The following EGFR variants were observed in gnomAD, a reference collection of about 807,000 sequenced individuals.
The protein encoded by EGFR is avian erythroblastic leukemia viral (v-erb-b) oncogene homolog.
A neutral mutation model predicts 143.0 loss-of-function variants in EGFR; 58 were observed. The ratio of observed to expected loss-of-function variants is 0.41; its 90% CI spans 0.33 to 0.50. The LOEUF (loss-of-function observed/expected upper bound fraction) is 0.50, where lower values mean the gene tolerates loss of function less well. Among genes scored for constraint, EGFR ranks in the 20% least tolerant of loss-of-function variants. EGFR has a pLI of 0.39. For missense variants in EGFR, 1,307 were observed against 1,579.0 expected, an observed-to-expected ratio of 0.83 and a Z score of 2.92; for synonymous variants, 613 against 594.4, an observed-to-expected ratio of 1.03 and a Z score of -0.45.
At chr7:55,174,622 T>G (rs1429885015) in intron 18 of EGFR, 100 bp from the exon 19 acceptor site, 1 of 1,042,452 alleles carries the variant, frequency 9.6e-7, no homozygotes, top group Non-Finnish European at 1.5e-6. Flanking sequence ...GTCCCTCACC[T>G]TCGGGGTGCA....
chr7:55,147,859 C>T (rs970345053), intron 4 of EGFR, among the ~76,000 whole-genome samples: 11 of 152,224 alleles, frequency 7.2e-5, no homozygotes, highest in Admixed American at 2.6e-4. Flanking sequence ...CTGGGGCTCT[C>T]ATACAGGTGG....
intron 1 of EGFR, among the ~76,000 whole-genome samples, chr7:55,133,709 A>G (rs1057059135): frequency 1.3e-4 from 20 of 152,084 alleles, no homozygotes; most frequent in Non-Finnish European, 2.6e-4. Flanking sequence ...AGGAAGGGAG[A>G]GGCCAGCTCT....
At chr7:55,077,656 C>G (rs974566330) in intron 1 of EGFR, among the ~76,000 whole-genome samples, 6 of 152,110 alleles carry the variant, frequency 3.9e-5, no homozygotes, top group Non-Finnish European at 7.4e-5. Flanking sequence ...GCTGCTTGCA[C>G]CGAAAGACCA....
intron 22 of EGFR, among the ~76,000 whole-genome samples, chr7:55,198,338 T>C (rs1329477380): frequency 6.6e-6 from 1 of 152,180 alleles, no homozygotes; most frequent in South Asian, 2.1e-4. Flanking sequence ...CAGATACAGG[T>C]CCCTCAGAGC....
chr7:55,027,153 C>T lies in EGFR; in HGVS notation c.88+7788C>T, dbSNP rs117074754. On this transcript the variant is annotated intron_variant, in intron 1 of 27. Transcript: ENST00000275493. ...ATAACTGCACTTGTCCTCTGAGGACCGACTTACCTTTTGGAAGGGCTGAGA... is the reference window on the plus strand; with the variant it reads ...ATAACTGCACTTGTCCTCTGAGGACTGACTTACCTTTTGGAAGGGCTGAGA... 5.8e-4 allele frequency among the ~76,000 whole-genome samples: 88 copies of T among 152,222 alleles called. 1 individual carries two copies. The East Asian group carries it at 0.016, about 28-fold the overall frequency.
chr7:55,141,854 AC>A (rs1187296839), intron 1 of EGFR, among the ~76,000 whole-genome samples: 1 of 152,176 alleles, frequency 6.6e-6, no homozygotes, highest in East Asian at 1.9e-4. Flanking sequence ...TTCGTGAAAT[AC>A]CTTGTGAAAT....
chr7:55,177,971 G>C (rs1461184109), intron 19 of EGFR, among the ~76,000 whole-genome samples: 2 of 152,230 alleles, frequency 1.3e-5, no homozygotes, highest in African/African-American at 4.8e-5. Flanking sequence ...GCTGGGTGGG[G>C]AGGAAGTGAT....
chr7:55,113,678 A>T (rs920490383), intron 1 of EGFR, among the ~76,000 whole-genome samples: 1 of 152,242 alleles, frequency 6.6e-6, no homozygotes. Context: ...GTTTTTGTTC[A>T]ACACTCTTGC....
chr7:55,173,872 A>G (rs1584224165), intron 17 of EGFR, 49 bp from the exon 18 acceptor site: 2 of 1,614,030 alleles, frequency 1.2e-6, no homozygotes, highest in African/African-American at 1.3e-5. Context: ...GCTTTCCAGC[A>G]TGGTGAGGGC....
intron 3 of EGFR, among the ~76,000 whole-genome samples, chr7:55,144,119 G>T (rs1254362329): frequency 2.0e-5 from 3 of 152,134 alleles, no homozygotes; most frequent in Admixed American, 2.0e-4. Context: ...TGTTAAATTG[G>T]TAACTTCATT....
At chr7:55,023,606 G>A (rs7801281) in intron 1 of EGFR, among the ~76,000 whole-genome samples, 22,877 of 137,062 alleles carry the variant, frequency 0.17, 1,918 homozygotes, top group Admixed American at 0.22. Flanking sequence ...AGCCAAGATC[G>A]CACCATTGCA....
Position 55,154,095 on chromosome 7 carries a change from G to C in EGFR, c.832G>C (p.Asp278His), listed in dbSNP as rs2128935042. Residue 278 changes from aspartate (D) to histidine (H), a missense_variant, in exon 7 of 28, where the codon GAT becomes CAT. Around this residue, in one of 7 missense-constraint regions of EGFR, gnomAD observed 311 missense variants for 412.3 expected, o/e 0.75. Transcript: ENST00000275493. Reference sequence around the variant, plus strand: ...CTACAACCCCACCACGTACCAGATGGATGTGAACCCCGAGGGCAAATACAG... The same window carrying C: ...CTACAACCCCACCACGTACCAGATGCATGTGAACCCCGAGGGCAAATACAG... ...MLYNPTTYQM[D>H]VNPEGKYSFG... The C allele has an allele frequency of 6.2e-7, 1 of 1,614,198 alleles. No individual in the cohort carries two copies. The highest frequency in any genetic ancestry group is 1.1e-5 in the South Asian group (1 of 91,084).
Position 55,174,709 on chromosome 7 carries a change from C to G in EGFR, c.2185-13C>G, listed in dbSNP as rs377247228. ...AATTGCCAGTTAACGTCTTCCTTCT[C>G]TCTCTGTCATAGGGACTCTGGATCC... On this transcript the variant is annotated splice_polypyrimidine_tract_variant and intron_variant, in intron 18 of 27. Transcript: ENST00000275493. 1 of 1,608,206 alleles carries G rather than the reference C, an allele frequency of 6.2e-7. No homozygotes were observed. Among genetic ancestry groups the G allele is most frequent in the South Asian group, 1.1e-5 (1 of 90,936 alleles).
At chr7:55,060,338 C>G (rs537309257) in intron 1 of EGFR, among the ~76,000 whole-genome samples, 1 of 152,286 alleles carries the variant, frequency 6.6e-6, no homozygotes, top group Non-Finnish European at 1.5e-5. Context: ...TACATAATTA[C>G]GTTTCCCTTC....
chr7:55,149,214 T>C (rs527388762), intron 4 of EGFR, among the ~76,000 whole-genome samples: 2 of 152,272 alleles, frequency 1.3e-5, no homozygotes, highest in African/African-American at 4.8e-5. Context: ...TATTGTGCAA[T>C]GTCTGATTGC....
intron 1 of EGFR, among the ~76,000 whole-genome samples, chr7:55,081,911 T>G (rs117071240): frequency 6.0e-4 from 91 of 152,338 alleles, no homozygotes; most frequent in Non-Finnish European, 1.2e-3. Context: ...AAATACATTT[T>G]AATATCATGG....
At chr7:55,096,494 G>T (rs899305027) in intron 1 of EGFR, among the ~76,000 whole-genome samples, 6 of 152,294 alleles carry the variant, frequency 3.9e-5, no homozygotes, top group Admixed American at 1.3e-4. Context: ...AGGCGATGGG[G>T]ATACGATGCC....
intron 1 of EGFR, among the ~76,000 whole-genome samples, chr7:55,105,512 G>T (rs1792078330): frequency 6.6e-6 from 1 of 152,216 alleles, no homozygotes; most frequent in African/African-American, 2.4e-5. Flanking sequence ...GGCTCTAGTA[G>T]TTCCAGTATC....
At position 55,209,200 on chromosome 7, in the gene EGFR, G is replaced by A. The variant is rs2128976874; in HGVS notation, c.*3583G>A. The A allele has an allele frequency of 6.6e-6, 1 of 152,210 alleles. No individual in the cohort carries two copies. Among genetic ancestry groups the A allele is most frequent in the East Asian group, 1.9e-4 (1 of 5,178 alleles). 9.4% of individuals were successfully genotyped at this position (152,210 alleles called of 1,614,324 possible). A position where few individuals can be genotyped will look rare whatever the true frequency, so the allele number is the denominator to read the frequency against. On this transcript the variant is annotated 3_prime_UTR_variant, in exon 28 of 28. Transcript: ENST00000275493. ...TTTCATGATTCTAATGGGCAACCAGGGTTGAAACCCTTATTTCTAGGGTCT... is the reference window on the plus strand; with the variant it reads ...TTTCATGATTCTAATGGGCAACCAGAGTTGAAACCCTTATTTCTAGGGTCT...
Sources: gnomAD v4.1 joint callset for allele counts (sites outside exome capture counted in the v4.1 genomes callset) on GRCh38, gnomAD v4.1.1 for gene constraint, gnomAD v4.1.1 regional missense constraint, MANE v1.5 for transcripts, NCBI Gene and HGNC (gene_info 2026-07-23, HGNC 2026-07-21) for gene names.